CLPB: variants seen among roughly 807,000 people sequenced by gnomAD.
CLPB encodes ClpB family mitochondrial disaggregase.
A neutral mutation model predicts 78.4 loss-of-function variants in CLPB; 40 were observed. That is an observed-to-expected ratio of 0.51 (90% CI 0.40 to 0.66). CLPB has a LOEUF of 0.66. Ranked by LOEUF, CLPB falls within the 30% of genes least tolerant of loss-of-function variation. The pLI is 0.00. For synonymous variants in CLPB, 333 were observed against 348.0 expected, an observed-to-expected ratio of 0.96 and a Z score of 0.48; for missense variants, 780 against 886.9, an observed-to-expected ratio of 0.88 and a Z score of 1.53.
chr11:72,302,600 G>A (rs985939753), intron 9 of CLPB: 75 of 464,660 alleles, frequency 1.6e-4, no homozygotes, highest in Non-Finnish European at 2.7e-4. Context: ...GACTTGGGGT[G>A]TCTTCTTTCA....
At chr11:72,379,180 T>C (rs956044790) in intron 4 of CLPB, among the ~76,000 whole-genome samples, 3 of 152,194 alleles carry the variant, frequency 2.0e-5, no homozygotes, top group Non-Finnish European at 4.4e-5. Context: ...CTTACAGCTC[T>C]GAAGGCTGAG....
chr11:72,425,031 G>A (rs112100004), intron 2 of CLPB, among the ~76,000 whole-genome samples: 3 of 152,164 alleles, frequency 2.0e-5, no homozygotes, highest in Non-Finnish European at 4.4e-5. Flanking sequence ...AGCCGAGATC[G>A]TGCCACTGCA....
chr11:72,323,899 G>C (rs1346892908), intron 6 of CLPB, among the ~76,000 whole-genome samples: 1 of 151,496 alleles, frequency 6.6e-6, no homozygotes, highest in East Asian at 1.9e-4. Flanking sequence ...AATATTTAGG[G>C]GTAAAGGAGC....
At chr11:72,405,120 C>T (rs967890096) in intron 2 of CLPB, among the ~76,000 whole-genome samples, 15 of 152,108 alleles carry the variant, frequency 9.9e-5, no homozygotes, top group African/African-American at 1.4e-4. Context: ...AGGCTTCTGA[C>T]GGCACAAACT....
In CLPB at chr11:72,405,946, C is replaced by G. The variant is rs1173567777; in HGVS notation, c.456-2894G>C. 2.6e-4 allele frequency among the ~76,000 whole-genome samples: 40 copies of G among 151,766 alleles called. 1 individual carries two copies. Among genetic ancestry groups the G allele is most frequent in the Non-Finnish European group, 1.5e-5 (1 of 67,902 alleles). On this transcript the variant is annotated intron_variant, in intron 2 of 15. Transcript: ENST00000538039. ...CTGTCTCAAAAAAAAAAAAAGAATC[C>G]TCTTCAAAATAGGTTCCAATCAGCC...
chr11:72,392,697 T>C (rs1231127391), intron 3 of CLPB, among the ~76,000 whole-genome samples: 2 of 152,182 alleles, frequency 1.3e-5, no homozygotes, highest in African/African-American at 4.8e-5. Flanking sequence ...TTATAACAAC[T>C]TGCAATGAGG....
intron 11 of CLPB, among the ~76,000 whole-genome samples, chr11:72,297,020 G>A (rs1235006798): frequency 2.6e-5 from 4 of 152,174 alleles, no homozygotes; most frequent in South Asian, 2.1e-4. Context: ...ATGAGGCCTC[G>A]TGCTATTTTC....
chr11:72,368,608 AC>A (rs1291259332), intron 4 of CLPB, among the ~76,000 whole-genome samples: 9 of 152,156 alleles, frequency 5.9e-5, no homozygotes, highest in Admixed American at 5.2e-4. Flanking sequence ...AAATTAGTAA[AC>A]ATTTCCTTTT....
chr11:72,402,823 G>T, intron 3 of CLPB, 143 bp downstream of exon 3: 1 of 641,764 alleles, frequency 1.6e-6, no homozygotes, highest in Non-Finnish European at 2.8e-6. Flanking sequence ...CAATGCACCA[G>T]GTGAAGTCCA....
intron 2 of CLPB, among the ~76,000 whole-genome samples, chr11:72,407,199 TC>T (rs1855735388): frequency 6.6e-6 from 1 of 152,120 alleles, no homozygotes; most frequent in Admixed American, 6.5e-5. Flanking sequence ...AATCACTGGG[TC>T]CTACAGTATG....
chr11:72,356,209 C>T (rs1038160295), intron 5 of CLPB, among the ~76,000 whole-genome samples: 2 of 149,552 alleles, frequency 1.3e-5, no homozygotes, highest in East Asian at 2.0e-4. Flanking sequence ...CGCTTGAAGG[C>T]GGAGGTTGTG....
intron 4 of CLPB, among the ~76,000 whole-genome samples, chr11:72,360,638 T>C (rs1304905866): frequency 6.6e-6 from 1 of 152,100 alleles, no homozygotes; most frequent in African/African-American, 2.4e-5. Flanking sequence ...GGTTTCACCA[T>C]GTTGGCCAGG....
At chr11:72,376,980 G>C (rs1463645972) in intron 4 of CLPB, among the ~76,000 whole-genome samples, 1 of 152,192 alleles carries the variant, frequency 6.6e-6, no homozygotes, top group Non-Finnish European at 1.5e-5. Context: ...TTTTATAACA[G>C]TTCTTAAACA....
intron 4 of CLPB, among the ~76,000 whole-genome samples, chr11:72,366,288 C>T (rs1219234247): frequency 6.6e-6 from 1 of 152,144 alleles, no homozygotes; most frequent in Admixed American, 6.5e-5. Context: ...GACCTTGGCT[C>T]ACTGCAACTT....
chr11:72,373,140 G>A (rs2135658695), intron 4 of CLPB: 1 of 683,772 alleles, frequency 1.5e-6, no homozygotes, highest in Non-Finnish European at 2.5e-6. Flanking sequence ...AGGGCCCTAT[G>A]CCAACCCAGC....
At chr11:72,300,583 G>T (rs556560042) in intron 11 of CLPB, among the ~76,000 whole-genome samples, 1 of 152,322 alleles carries the variant, frequency 6.6e-6, no homozygotes, top group East Asian at 1.9e-4. Flanking sequence ...CAAGGAGGCT[G>T]GGCCAGGTGG....
At chr11:72,383,694 GA>G (rs148560882) in intron 3 of CLPB, among the ~76,000 whole-genome samples, 4 of 150,260 alleles carry the variant, frequency 2.7e-5, no homozygotes, top group East Asian at 3.9e-4. Context: ...AATGCTGAAT[GA>G]AAAAAAAACC....
At chr11:72,424,704 G>A (rs919263413) in intron 2 of CLPB, among the ~76,000 whole-genome samples, 2 of 152,184 alleles carry the variant, frequency 1.3e-5, no homozygotes, top group Admixed American at 1.3e-4. Context: ...GGCTAACATG[G>A]TGAAACCCTG....
chr11:72,415,729 C>T (rs760018808), intron 2 of CLPB, among the ~76,000 whole-genome samples: 2 of 152,100 alleles, frequency 1.3e-5, no homozygotes, highest in Non-Finnish European at 2.9e-5. Context: ...AAGGCTGGGC[C>T]GATTACAAGC....
Sources: gnomAD v4.1 joint callset for allele counts (sites outside exome capture counted in the v4.1 genomes callset) on GRCh38, gnomAD v4.1.1 for gene constraint, MANE v1.5 for transcripts, NCBI Gene and HGNC (gene_info 2026-07-23, HGNC 2026-07-21) for gene names.